The following KCNN2 variants were observed in gnomAD, a reference collection of about 807,000 sequenced individuals.
KCNN2 encodes small conductance calcium-activated potassium channel protein 2.
In KCNN2, 24 loss-of-function variants were observed where a neutral mutation model predicts 55.5. That is an observed-to-expected ratio of 0.43 (90% confidence interval 0.31 to 0.61). KCNN2 has a LOEUF of 0.61. Among genes scored for constraint, KCNN2 ranks in the 20% least tolerant of loss-of-function variants. The probability of loss-of-function intolerance (pLI) is 0.08; values close to 1 mark genes in which losing one functional copy is unlikely to be tolerated. For missense variants in KCNN2, 754 were observed against 853.6 expected (o/e 0.88, Z 1.45); for synonymous variants, 431 against 336.1 (o/e 1.28, Z -3.09).
At chr5:114,225,439 T>C (rs1392762860) in intron 2 of KCNN2, among the ~76,000 whole-genome samples, 1 of 152,134 alleles carries the variant, frequency 6.6e-6, no homozygotes, top group Non-Finnish European at 1.5e-5. Flanking sequence ...GAAGAAATAA[T>C]CACAGCAATT....
intron 1 of KCNN2, among the ~76,000 whole-genome samples, chr5:114,174,167 A>C (rs1753094002): frequency 6.6e-6 from 1 of 152,146 alleles, no homozygotes; most frequent in Admixed American, 6.5e-5. Context: ...TCAAAAACAA[A>C]ATGAATTTAG....
At chr5:114,382,086 C>G (rs988552974) in intron 2 of KCNN2, among the ~76,000 whole-genome samples, 9 of 152,166 alleles carry the variant, frequency 5.9e-5, no homozygotes, top group Admixed American at 5.9e-4. Flanking sequence ...ATGTTCTCTC[C>G]TGTATATGTT....
intron 1 of KCNN2, among the ~76,000 whole-genome samples, chr5:114,090,688 G>A (rs1331339362): frequency 6.6e-6 from 1 of 151,772 alleles, no homozygotes; most frequent in Non-Finnish European, 1.5e-5. Context: ...GAGCTTTATG[G>A]CTTAAAATGT....
intron 2 of KCNN2, among the ~76,000 whole-genome samples, chr5:114,267,215 G>A (rs1755227945): frequency 2.6e-5 from 4 of 152,070 alleles, no homozygotes; most frequent in African/African-American, 9.7e-5. Context: ...GGATGGTCTC[G>A]ATCTCTTGAC....
rs1476174680 is a variant in KCNN2 at position 114,061,587 on chromosome 5, TG to T, written c.-271+5090del. ...TCAGGGATCTAGTTTGCCACCTTTG[TG>T]GGCATGGGGTTTGATTCTGTGAGTT... On this transcript the variant is annotated intron_variant, in intron 1 of 10. Transcript: ENST00000512097. Among the ~76,000 whole-genome samples the T allele has an allele frequency of 2.0e-5, 3 of 152,032 alleles. No homozygotes were observed. The East Asian group carries it at 5.8e-4, about 29-fold the overall frequency.
At chr5:114,379,453 ATATAT>A (rs1229547893) in intron 2 of KCNN2, among the ~76,000 whole-genome samples, 1 of 134,952 alleles carries the variant, frequency 7.4e-6, no homozygotes, top group East Asian at 2.0e-4. Context: ...TATTTATAGA[ATATAT>A]TATATAACAT....
chr5:114,410,505 T>G (rs1274351827), intron 3 of KCNN2, among the ~76,000 whole-genome samples: 1 of 152,170 alleles, frequency 6.6e-6, no homozygotes, highest in Non-Finnish European at 1.5e-5. Flanking sequence ...TGGCCATGCT[T>G]TCTGGGAAAC....
At chr5:114,428,095 T>C (rs1759682429) in intron 3 of KCNN2, among the ~76,000 whole-genome samples, 1 of 152,162 alleles carries the variant, frequency 6.6e-6, no homozygotes, top group Non-Finnish European at 1.5e-5. Context: ...TAAGAGCGGG[T>C]CAAGGATTCT....
intron 3 of KCNN2, among the ~76,000 whole-genome samples, chr5:114,453,661 G>GTATC (rs1242843052): frequency 6.6e-6 from 1 of 152,062 alleles, no homozygotes; most frequent in Non-Finnish European, 1.5e-5. Flanking sequence ...GTCTGAGAAT[G>GTATC]TATCTTTTTT....
In KCNN2 at chr5:114,266,380, G is replaced by T. The variant is rs567068766; in HGVS notation, c.-185+44815G>T. Among the ~76,000 whole-genome samples, 18 of 152,258 alleles carry T rather than the reference G, an allele frequency of 1.2e-4. No homozygotes were observed. The South Asian group carries it at 2.7e-3, about 23-fold the overall frequency. On this transcript the variant is annotated intron_variant, in intron 2 of 10. Coordinates refer to the KCNN2 transcript ENST00000512097. ...GACCCAAGTTACTGAGGGTTTGGGA[G>T]AAAGAGCAACTGTTTGGAGGATTTG...
chr5:114,385,519 GCACACACACACACACACA>G (rs10548694), intron 2 of KCNN2, among the ~76,000 whole-genome samples: 1 of 143,354 alleles, frequency 7.0e-6, no homozygotes, highest in Admixed American at 7.0e-5. Flanking sequence ...ACACATGCGC[GCACACACACACACACACA>G]CACACACACA....
intron 1 of KCNN2, among the ~76,000 whole-genome samples, chr5:114,101,706 T>C (rs757047392): frequency 1.3e-5 from 2 of 152,084 alleles, no homozygotes; most frequent in African/African-American, 2.4e-5. Flanking sequence ...GTTTCTGTGT[T>C]AGTTTGCTGA....
intron 1 of KCNN2, among the ~76,000 whole-genome samples, chr5:114,135,835 A>G (rs893172278): frequency 6.6e-6 from 1 of 152,204 alleles, no homozygotes; most frequent in South Asian, 2.1e-4. Flanking sequence ...CATGAACACA[A>G]TGTGATCTTT....
chr5:114,415,874 C>T (rs1056587995), intron 3 of KCNN2, among the ~76,000 whole-genome samples: 8 of 151,912 alleles, frequency 5.3e-5, no homozygotes, highest in Non-Finnish European at 1.0e-4. Flanking sequence ...GGCTGTGTAC[C>T]CTTGGCTTTC....
At chr5:114,063,489 A>G (rs1251766892) in intron 1 of KCNN2, among the ~76,000 whole-genome samples, 1 of 152,184 alleles carries the variant, frequency 6.6e-6, no homozygotes. Flanking sequence ...CTCAGTGTCT[A>G]GAGAACCACC....
In KCNN2 at chr5:114,056,219, C is replaced by T. The variant is rs1157658831; in HGVS notation, c.-552C>T. 4 of 395,392 alleles carry T rather than the reference C, an allele frequency of 1.0e-5. 1 individual carries two copies. The East Asian group carries it at 1.4e-4, about 14-fold the overall frequency. The allele number at this position is 395,392 out of a possible 1,614,324, so 24.5% of individuals were successfully genotyped here. ...GCCTGGCTCGCCCGCGCCCGCGCCC[C>T]GGAGCTCTCCGGCTGGCTCTCTGCT... is the stretch of plus-strand genomic sequence containing the variant. On this transcript the variant is annotated 5_prime_UTR_variant, in exon 1 of 11. Coordinates refer to the KCNN2 transcript ENST00000512097.
intron 2 of KCNN2, among the ~76,000 whole-genome samples, chr5:114,254,912 T>G (rs948386240): frequency 1.4e-4 from 21 of 152,048 alleles, no homozygotes; most frequent in African/African-American, 4.6e-4. Context: ...ATCTGAGGCT[T>G]GTATTTACCA....
rs1259361074 is a variant in KCNN2, at chr5:114,332,821, A to AT, written c.-184-28122dup. 3.3e-5 allele frequency among the ~76,000 whole-genome samples: 5 copies of AT among 152,334 alleles called. No homozygotes were observed. In the East Asian group the frequency reaches 7.7e-4, roughly 24 times the overall value. On this transcript the variant is annotated intron_variant, in intron 2 of 10. Transcript: ENST00000512097. ...AAACATTCCCAGAGTTCAAAGAACC[A>AT]TTCTTTCCTAACTTTCCACCTGCTT...
intron 3 of KCNN2, among the ~76,000 whole-genome samples, chr5:114,415,843 C>T (rs1759289491): frequency 6.6e-6 from 1 of 151,986 alleles, no homozygotes; most frequent in Admixed American, 6.6e-5. Context: ...TTTTCATTTT[C>T]ATTGTTTTTG....
Sources: gnomAD v4.1 joint callset for allele counts (sites outside exome capture counted in the v4.1 genomes callset) on GRCh38, gnomAD v4.1.1 for gene constraint, MANE v1.5 for transcripts, NCBI Gene and HGNC (gene_info 2026-07-23, HGNC 2026-07-21) for gene names.